SLC35F4: variants seen among roughly 807,000 people sequenced by gnomAD.
SLC35F4 encodes the protein chromosome 14 open reading frame 36.
A neutral mutation model predicts 44.2 loss-of-function variants in SLC35F4; 24 were observed. That is an observed-to-expected ratio of 0.54 (90% confidence interval 0.39 to 0.76). SLC35F4 has a LOEUF of 0.76. SLC35F4 is among the 30% of genes least tolerant of loss of function. SLC35F4 has a pLI of 0.00. For missense variants in SLC35F4, 562 were observed against 586.1 expected (o/e 0.96, Z 0.42); for synonymous variants, 238 against 223.6 (o/e 1.06, Z -0.57).
intron 1 of SLC35F4, among the ~76,000 whole-genome samples, chr14:57,834,707 T>C (rs939703960): frequency 2.0e-5 from 3 of 152,132 alleles, no homozygotes; most frequent in African/African-American, 7.2e-5. Flanking sequence ...AGCATGTCAG[T>C]ATAAAAATTG....
At position 57,689,679 on chromosome 14, in the gene SLC35F4, T is replaced by C. The variant is rs943731220; in HGVS notation, c.104-95555A>G. On this transcript the variant is annotated intron_variant, in intron 1 of 7. Transcript: ENST00000556826. ...GCATGTTCTCACTCATTGGTGGGAA[T>C]TGAACAATGAGAACACTTGGACACA... Among the ~76,000 whole-genome samples the C allele has an allele frequency of 2.7e-5, 4 of 147,910 alleles. No individual in the cohort carries two copies. In the South Asian group the frequency reaches 6.5e-4, roughly 24 times the overall value.
intron 1 of SLC35F4, among the ~76,000 whole-genome samples, chr14:57,720,804 G>T (rs2076065421): frequency 6.6e-6 from 1 of 151,830 alleles, no homozygotes; most frequent in Non-Finnish European, 1.5e-5. Context: ...AATGTGAAAA[G>T]ACTAGACTAG....
At chr14:57,978,009 A>C (rs2141099214) in intron 1 of SLC35F4, among the ~76,000 whole-genome samples, 1 of 152,290 alleles carries the variant, frequency 6.6e-6, no homozygotes, top group East Asian at 1.9e-4. Flanking sequence ...GATTCGAGAA[A>C]AGAAAGTCTG....
At chr14:57,599,469 T>C (rs912263968) in intron 1 of SLC35F4, among the ~76,000 whole-genome samples, 1 of 152,136 alleles carries the variant, frequency 6.6e-6, no homozygotes, top group African/African-American at 2.4e-5. Flanking sequence ...TGAGAAATCA[T>C]AGAGGGTAGG....
intron 4 of SLC35F4, chr14:57,579,278 C>T (rs555873337): frequency 6.6e-6 from 1 of 152,276 alleles, no homozygotes; most frequent in East Asian, 1.9e-4. Context: ...TTTTTGGAGT[C>T]ACCACTCAAC....
At chr14:57,661,712 T>C (rs2074143743) in intron 1 of SLC35F4, among the ~76,000 whole-genome samples, 1 of 152,196 alleles carries the variant, frequency 6.6e-6, no homozygotes, top group South Asian at 2.1e-4. Context: ...GGGTCCCAAA[T>C]TCTAGAGCTA....
At chr14:57,870,745 C>T (rs1032572559), upstream of SLC35F4, among the ~76,000 whole-genome samples, 3 of 152,180 alleles carry the variant, frequency 2.0e-5, no homozygotes, top group Admixed American at 6.5e-5. Context: ...TAGCCCTGCC[C>T]CTGCTCTGTC....
chr14:57,572,276 T>C (rs2068550614), intron 4 of SLC35F4, among the ~76,000 whole-genome samples: 1 of 152,206 alleles, frequency 6.6e-6, no homozygotes, highest in Admixed American at 6.5e-5. Flanking sequence ...TTTTACTTTT[T>C]TAGGCCTAAT....
chr14:57,863,668 T>C (rs932769227), intron 1 of SLC35F4, among the ~76,000 whole-genome samples: 9 of 152,202 alleles, frequency 5.9e-5, no homozygotes, highest in African/African-American at 1.9e-4. Flanking sequence ...ACAGGATTAT[T>C]TCATGGTGCT....
chr14:57,832,098 T>C (rs1392049785), intron 1 of SLC35F4, among the ~76,000 whole-genome samples: 2 of 152,126 alleles, frequency 1.3e-5, no homozygotes, highest in African/African-American at 4.8e-5. Context: ...GGAAAAACCA[T>C]AGCAACCAGG....
intron 1 of SLC35F4, among the ~76,000 whole-genome samples, chr14:57,902,287 G>C (rs1889017358): frequency 6.6e-6 from 1 of 152,072 alleles, no homozygotes; most frequent in Non-Finnish European, 1.5e-5. Context: ...ACTCTGGCTG[G>C]GCGCGGTGGC....
rs557937232 is a variant in SLC35F4 at position 57,761,715 on chromosome 14, A to G, written c.103+104008T>C. 2.6e-4 allele frequency among the ~76,000 whole-genome samples: 39 copies of G among 152,298 alleles called. 2 individuals carry two copies. The South Asian group carries it at 3.3e-3, about 13-fold the overall frequency. ...ATATTCTTAACCAGAGACTAAAGGC[A>G]TTTTTCCTTAAATAAAGCATAAAAT... On this transcript the variant is annotated intron_variant, in intron 1 of 7. Coordinates refer to ENST00000556826, the MANE Select transcript of SLC35F4 (RefSeq NM_001306087.2).
intron 1 of SLC35F4, among the ~76,000 whole-genome samples, chr14:57,744,685 CAGCTACCTTTCTTCAGAAAGAA>C (rs2076708627): frequency 6.6e-6 from 1 of 151,772 alleles, no homozygotes; most frequent in Non-Finnish European, 1.5e-5. Context: ...CCATCCCCAT[CAGCTACCTTTCTTCAGAAAGAA>C]AGCTGACTTT....
intron 1 of SLC35F4, among the ~76,000 whole-genome samples, chr14:57,740,075 G>A (rs949345324): frequency 1.3e-5 from 2 of 152,142 alleles, no homozygotes; most frequent in East Asian, 3.9e-4. Flanking sequence ...GGCCGGGCTG[G>A]TCTCTAACTT....
chr14:57,655,631 C>T (rs552624248), intron 1 of SLC35F4, among the ~76,000 whole-genome samples: 6 of 152,178 alleles, frequency 3.9e-5, no homozygotes, highest in African/African-American at 9.6e-5. Flanking sequence ...CCATGCTTAC[C>T]GTCCTGTCCC....
chr14:57,730,223 T>C (rs2076311082), intron 1 of SLC35F4, among the ~76,000 whole-genome samples: 1 of 152,186 alleles, frequency 6.6e-6, no homozygotes, highest in African/African-American at 2.4e-5. Flanking sequence ...CTTTTTTTTG[T>C]GTGCAGATAG....
chr14:57,751,293 C>T (rs1034604098), intron 1 of SLC35F4, among the ~76,000 whole-genome samples: 2 of 152,110 alleles, frequency 1.3e-5, no homozygotes, highest in African/African-American at 2.4e-5. Context: ...TTGTTAATAT[C>T]TCCATGTAGT....
At chr14:57,820,405 T>C (rs1193269324) in intron 1 of SLC35F4, among the ~76,000 whole-genome samples, 2 of 152,228 alleles carry the variant, frequency 1.3e-5, no homozygotes, top group Admixed American at 6.5e-5. Context: ...AAAAATGGTA[T>C]ACTTTATCCA....
chr14:57,576,607 C>G (rs552518345), intron 4 of SLC35F4, among the ~76,000 whole-genome samples: 1 of 152,078 alleles, frequency 6.6e-6, no homozygotes, highest in Non-Finnish European at 1.5e-5. Flanking sequence ...TACTCAGATT[C>G]AATTAAACTG....
Sources: gnomAD v4.1 joint callset for allele counts (sites outside exome capture counted in the v4.1 genomes callset) on GRCh38, gnomAD v4.1.1 for gene constraint, MANE v1.5 for transcripts, NCBI Gene and HGNC (gene_info 2026-07-23, HGNC 2026-07-21) for gene names.